Variants in OPCML observed in about 807,000 individuals in gnomAD.
OPCML encodes the protein opioid binding protein/cell adhesion molecule like.
Under a neutral mutation model 37.8 loss-of-function variants are expected in OPCML, and 13 were observed. That is an observed-to-expected ratio of 0.34 (90% confidence interval 0.22 to 0.55). The LOEUF (loss-of-function observed/expected upper bound fraction) is 0.55. OPCML is among the 20% of genes least tolerant of loss of function. The pLI, the probability that OPCML is intolerant of heterozygous loss-of-function variation, is 0.91. For synonymous variants in OPCML, 176 were observed against 168.8 expected, an observed-to-expected ratio of 1.04 and a Z score of -0.33; for missense variants, 341 against 435.6, an observed-to-expected ratio of 0.78 and a Z score of 1.93.
chr11:132,681,164 G>A (rs1414950969), intron 2 of OPCML, among the ~76,000 whole-genome samples: 1 of 152,178 alleles, frequency 6.6e-6, no homozygotes, highest in Non-Finnish European at 1.5e-5. Context: ...AGGGAGAGGA[G>A]GCAGGGAAAT....
chr11:133,054,843 A>T (rs1432548608), intron 1 of OPCML, among the ~76,000 whole-genome samples: 5 of 135,272 alleles, frequency 3.7e-5, no homozygotes, highest in Non-Finnish European at 3.2e-5. Context: ...GACCCCATGA[A>T]GGAGCCACCT....
intron 1 of OPCML, among the ~76,000 whole-genome samples, chr11:133,304,332 C>T (rs995700406): frequency 1.3e-5 from 2 of 152,254 alleles, no homozygotes; most frequent in Admixed American, 1.3e-4. Context: ...CTTCTTGGCC[C>T]GTTTCCTTCT....
At chr11:133,171,580 G>A (rs1468061258) in intron 1 of OPCML, among the ~76,000 whole-genome samples, 2 of 152,222 alleles carry the variant, frequency 1.3e-5, no homozygotes, top group African/African-American at 2.4e-5. Flanking sequence ...ATATCCCACA[G>A]GAAGCCAGCG....
At chr11:132,938,217 A>G (rs1461743433) in intron 2 of OPCML, among the ~76,000 whole-genome samples, 1 of 152,140 alleles carries the variant, frequency 6.6e-6, no homozygotes, top group Non-Finnish European at 1.5e-5. Flanking sequence ...CACAGTATCT[A>G]TAGTCAACAC....
At chr11:132,990,208 C>T (rs1306195409) in intron 1 of OPCML, among the ~76,000 whole-genome samples, 3 of 152,174 alleles carry the variant, frequency 2.0e-5, no homozygotes, top group African/African-American at 7.2e-5. Flanking sequence ...CACAGCTTGT[C>T]CTAGTGGGTG....
intron 2 of OPCML, among the ~76,000 whole-genome samples, chr11:132,744,310 T>A (rs1945541427): frequency 1.3e-5 from 2 of 152,214 alleles, no homozygotes; most frequent in Admixed American, 1.3e-4. Flanking sequence ...GCTGAAGTTT[T>A]TCCAGCCATC....
intron 1 of OPCML, among the ~76,000 whole-genome samples, chr11:133,105,132 TA>T (rs1949137904): frequency 6.6e-6 from 1 of 152,214 alleles, no homozygotes; most frequent in Admixed American, 6.5e-5. Flanking sequence ...GCGTGTTCAA[TA>T]AACTTTACGC....
In OPCML at chr11:133,199,345, T is replaced by C. The variant is rs939040257; in HGVS notation, c.62-256335A>G. Among the ~76,000 whole-genome samples the C allele has an allele frequency of 2.8e-4, 43 of 152,256 alleles. 1 individual carries two copies. The highest frequency in any genetic ancestry group is 1.0e-3 in the African/African-American group (43 of 41,474). ...CTCTTGGAAATTACCTTTGCTTTTA[T>C]TATTGTCTTATAAGTAATAAATTAT... On this transcript the variant is annotated intron_variant, in intron 1 of 7. Transcript: ENST00000524381.
intron 3 of OPCML, among the ~76,000 whole-genome samples, chr11:132,589,493 A>T (rs1319882637): frequency 6.6e-6 from 1 of 152,246 alleles, no homozygotes; most frequent in Admixed American, 6.5e-5. Context: ...GAATGAATAG[A>T]AACTTTCAGA....
chr11:133,109,228 G>GGTGTTACAGCTCTTAAATATGGCAC (rs1443924041), intron 1 of OPCML, among the ~76,000 whole-genome samples: 1 of 152,108 alleles, frequency 6.6e-6, no homozygotes, highest in Non-Finnish European at 1.5e-5. Flanking sequence ...CTTTGCCGTG[G>GGTGTTACAGCTCTTAAATATGGCAC]GTGTTACAGC....
At chr11:133,232,592 C>T (rs1940327955) in intron 1 of OPCML, among the ~76,000 whole-genome samples, 1 of 151,984 alleles carries the variant, frequency 6.6e-6, no homozygotes, top group African/African-American at 2.4e-5. Context: ...AAAACCACCT[C>T]ACTCTTCACT....
chr11:133,166,712 A>G (rs1592065797), intron 1 of OPCML, among the ~76,000 whole-genome samples: 1 of 152,216 alleles, frequency 6.6e-6, no homozygotes, highest in Admixed American at 6.5e-5. Context: ...TCCACAGGGA[A>G]GAATGACCTG....
At chr11:132,557,350 TG>T (rs1165392328) in intron 3 of OPCML, among the ~76,000 whole-genome samples, 3 of 152,224 alleles carry the variant, frequency 2.0e-5, no homozygotes, top group African/African-American at 7.2e-5. Context: ...GAGGTATTTC[TG>T]TTCGCTCAGT....
Position 133,093,140 on chromosome 11 carries a change from T to C in OPCML, c.62-150130A>G, listed in dbSNP as rs559731198. On this transcript the variant is annotated intron_variant, in intron 1 of 7. Transcript: ENST00000524381. ...TTGGTTACATGAATAAGTTCTTTAG[T>C]GGTGATTTGTGAGATTTTGGTGTAC... Among the ~76,000 whole-genome samples the C allele has an allele frequency of 1.2e-4, 19 of 152,238 alleles. No homozygotes were observed. The East Asian group carries it at 3.7e-3, about 29-fold the overall frequency.
At chr11:132,676,635 AG>A (rs1942713732) in intron 2 of OPCML, among the ~76,000 whole-genome samples, 1 of 151,934 alleles carries the variant, frequency 6.6e-6, no homozygotes, top group Non-Finnish European at 1.5e-5. Flanking sequence ...CTATCTGAAT[AG>A]ATATTTCTCA....
At chr11:133,362,896 T>C (rs901634352) in intron 1 of OPCML, among the ~76,000 whole-genome samples, 3 of 152,052 alleles carry the variant, frequency 2.0e-5, no homozygotes, top group African/African-American at 7.2e-5. Context: ...CAGAGGGTGG[T>C]GATGTCTGCA....
At chr11:133,498,188 G>A (rs777957341) in intron 1 of OPCML, among the ~76,000 whole-genome samples, 4 of 152,176 alleles carry the variant, frequency 2.6e-5, no homozygotes, top group Non-Finnish European at 5.9e-5. Flanking sequence ...CTCTGAAGGG[G>A]TCCAGTTCAG....
chr11:133,357,739 GCCTACACTTC>G (rs1944321114), intron 1 of OPCML, among the ~76,000 whole-genome samples: 1 of 152,158 alleles, frequency 6.6e-6, no homozygotes. Context: ...CTGCTGTGAA[GCCTACACTTC>G]CCTGTCTTCT....
At chr11:133,463,167 G>C (rs1946897379) in intron 1 of OPCML, among the ~76,000 whole-genome samples, 1 of 140,308 alleles carries the variant, frequency 7.1e-6, no homozygotes. Flanking sequence ...TGAATATACA[G>C]TTAAAAAAAC....
Sources: gnomAD v4.1 joint callset for allele counts (sites outside exome capture counted in the v4.1 genomes callset) on GRCh38, gnomAD v4.1.1 for gene constraint, MANE v1.5 for transcripts, NCBI Gene and HGNC (gene_info 2026-07-23, HGNC 2026-07-21) for gene names.